HSP90B1: variants seen among roughly 807,000 people sequenced by gnomAD.
The protein encoded by HSP90B1 is endoplasmin.
Under a neutral mutation model 100.4 loss-of-function variants are expected in HSP90B1, and 27 were observed. That is an observed-to-expected ratio of 0.27 (90% CI 0.20 to 0.37). The LOEUF (loss-of-function observed/expected upper bound fraction) is 0.37. Ranked by LOEUF, HSP90B1 falls within the 10% of genes least tolerant of loss-of-function variation. The pLI is 1.00. For synonymous variants in HSP90B1, 304 were observed against 330.8 expected (o/e 0.92, Z 0.88); for missense variants, 678 against 960.5 (o/e 0.71, Z 3.89).
At chr12:103,942,432 C>G in intron 11 of HSP90B1, 95 bp from the exon 12 acceptor site, 4 of 1,105,646 alleles carry the variant, frequency 3.6e-6, no homozygotes, top group Admixed American at 4.7e-5. Flanking sequence ...ATAACGATAT[C>G]GTCTTTGTGT....
At chr12:103,936,041 C>A (rs1869905167) in intron 5 of HSP90B1, among the ~76,000 whole-genome samples, 2 of 152,330 alleles carry the variant, frequency 1.3e-5, no homozygotes, top group Middle Eastern at 3.4e-3. Context: ...TTGCCCACTT[C>A]TTAAATGTTA....
intron 8 of HSP90B1, 70 bp downstream of exon 8, chr12:103,939,695 T>G: frequency 1.4e-6 from 1 of 732,698 alleles, no homozygotes; most frequent in Non-Finnish European, 2.2e-6. Context: ...TTAGTTTAAT[T>G]GTATATGGTA....
chr12:103,943,402 T>G lies in HSP90B1; in HGVS notation c.1890+83T>G. ...TTTTGTGAACAAATTAAGCTGCAGC[T>G]GGTTACTTTGTAACCATTAGAATGG... On this transcript the variant is annotated intron_variant, in intron 13 of 17. Coordinates refer to ENST00000299767, the MANE Select transcript of HSP90B1 (RefSeq NM_003299.3). The surrounding 1 kb of genome is among the most constrained non-coding windows in gnomAD (Gnocchi z 5.3). 1.0e-5 allele frequency: 13 copies of G among 1,293,334 alleles called. No individual in the cohort carries two copies. Among genetic ancestry groups the G allele is most frequent in the African/African-American group, 1.5e-5 (1 of 67,698 alleles). 80.1% of individuals were successfully genotyped at this position (1,293,334 alleles called of 1,614,324 possible).
intron 1 of HSP90B1, among the ~76,000 whole-genome samples, chr12:103,931,296 T>C (rs1386093132): frequency 1.3e-5 from 2 of 152,204 alleles, no homozygotes; most frequent in Non-Finnish European, 2.9e-5. Context: ...TGTTTAGAAG[T>C]GGTGACTGCC....
chr12:103,935,777 G>T (rs888449202), intron 5 of HSP90B1, among the ~76,000 whole-genome samples: 1 of 152,188 alleles, frequency 6.6e-6, no homozygotes, highest in Admixed American at 6.5e-5. Flanking sequence ...CATTCCCAAG[G>T]AAAGATAGAA....
chr12:103,931,681 G>GTAT, intron 2 of HSP90B1, 58 bp downstream of exon 2: 1 of 1,211,578 alleles, frequency 8.3e-7, no homozygotes, highest in Non-Finnish European at 1.2e-6. Context: ...TGTGAGTTAC[G>GTAT]GTCACTTCTT....
chr12:103,936,981 A>G (rs1869939023), intron 5 of HSP90B1, among the ~76,000 whole-genome samples: 1 of 152,198 alleles, frequency 6.6e-6, no homozygotes, highest in African/African-American at 2.4e-5. Context: ...TGGGAACACA[A>G]GTATCAAGAT....
At chr12:103,945,578 G>A (rs985497395) in intron 14 of HSP90B1, among the ~76,000 whole-genome samples, 3 of 152,210 alleles carry the variant, frequency 2.0e-5, no homozygotes, top group Non-Finnish European at 4.4e-5. Flanking sequence ...GCACAATCCA[G>A]AGGCTACATA....
rs752562529 is a variant in HSP90B1, at chr12:103,939,570, C to T, written c.1037C>T (p.Pro346Leu). 1 of 1,587,682 alleles carries T rather than the reference C, an allele frequency of 6.3e-7. No homozygotes were observed. Among genetic ancestry groups the T allele is most frequent in the Non-Finnish European group, 8.6e-7 (1 of 1,168,436 alleles). ...MNDIKPIWQR[P>L]SKEVEEDEYK... ...GATATCAAACCAATATGGCAGAGAC[C>T]ATCAAAAGAAGTAGAAGAAGATGAA... The change falls in exon 8 of 18, where the codon CCA becomes CTA. Residue 346 changes from proline (P) to leucine (L), a missense_variant. Physicochemically the swap from Pro to Leu is moderately conservative, Grantham distance 98 (BLOSUM62 -3). Coordinates refer to ENST00000299767, the MANE Select transcript of HSP90B1 (RefSeq NM_003299.3).
Position 103,942,821 on chromosome 12 carries a change from C to A in HSP90B1, c.1644+25C>A. 2.5e-6 allele frequency: 4 copies of A among 1,609,766 alleles called. No individual in the cohort carries two copies. In the South Asian group the frequency reaches 4.4e-5, roughly 18 times the overall value. On this transcript the variant is annotated intron_variant, in intron 12 of 17. Coordinates refer to ENST00000299767, the MANE Select transcript of HSP90B1 (RefSeq NM_003299.3). The stretch of plus-strand genomic sequence containing the variant: ...GGTGAGATGAACTCATAAGTGTTGT[C>A]AGCCATTCTGGAAGGTAGCTAGGGA...
At chr12:103,942,910 G>C (rs760071873) in intron 12 of HSP90B1, 114 bp downstream of exon 12, 130 of 1,426,094 alleles carry the variant, frequency 9.1e-5, no homozygotes, top group Non-Finnish European at 1.2e-4. Context: ...GTAGTTATAA[G>C]GCCTGGTCAG....
In HSP90B1 at chr12:103,933,957, G is replaced by A. The variant is rs747580924; in HGVS notation, c.413G>A (p.Cys138Tyr). The change falls in exon 5 of 18, where the codon TGT becomes TAT. Residue 138 changes from cysteine (C) to tyrosine (Y), a missense_variant and splice_region_variant. Physicochemically the swap from Cys to Tyr is radical, Grantham distance 194 (BLOSUM62 -2). Coordinates refer to ENST00000299767, the MANE Select transcript of HSP90B1 (RefSeq NM_003299.3). ...GNEELTVKIK[C>Y]DKEKNLLHVT... ...ATCTGGTTCTTGTCTTGCATTTAGT[G>A]TGATAAGGAGAAGAACCTGCTGCAT... 1 of 1,610,204 alleles carries A rather than the reference G, an allele frequency of 6.2e-7. No individual in the cohort carries two copies. Among genetic ancestry groups the A allele is most frequent in the Non-Finnish European group, 8.5e-7 (1 of 1,176,916 alleles).
chr12:103,940,968 A>G (rs570623167), intron 8 of HSP90B1, among the ~76,000 whole-genome samples: 68 of 152,324 alleles, frequency 4.5e-4, no homozygotes, highest in African/African-American at 1.6e-3. Context: ...ATTTACATAC[A>G]TCTTTGTAGC....
At position 103,946,767 on chromosome 12, in the gene HSP90B1, G is replaced by A. The variant is rs570408985; in HGVS notation, c.2107-19G>A. On this transcript the variant is annotated intron_variant, in intron 15 of 17. Transcript: ENST00000299767. ...TTGTATCTTTTAATATTAATCTAGT[G>A]CATCTTCTTGCATTTCAGGAAGATG... The A allele has an allele frequency of 3.1e-6, 5 of 1,613,430 alleles. No homozygotes were observed. Among genetic ancestry groups the A allele is most frequent in the African/African-American group, 2.7e-5 (2 of 74,974 alleles).
At chr12:103,941,330 T>C in intron 8 of HSP90B1, 80 bp from the exon 9 acceptor site, 6 of 1,431,374 alleles carry the variant, frequency 4.2e-6, no homozygotes, top group Non-Finnish European at 5.7e-6. Flanking sequence ...ACTGAATATG[T>C]ACCACATAGT....
chr12:103,942,395 C>T, intron 11 of HSP90B1, 132 bp from the exon 12 acceptor site: 1 of 788,508 alleles, frequency 1.3e-6, no homozygotes, highest in Non-Finnish European at 2.0e-6. Context: ...GAGTGCTTCA[C>T]CATTTCCTGC....
At position 103,941,643 on chromosome 12, in the gene HSP90B1, T is replaced by C. The variant is rs1188408557; in HGVS notation, c.1245T>C (p.Arg415=). 2 of 1,614,066 alleles carry C rather than the reference T, an allele frequency of 1.2e-6. No individual in the cohort carries two copies. The highest frequency in any genetic ancestry group is 2.7e-5 in the African/African-American group (2 of 74,948). Residue 415 remains arginine, a synonymous_variant, in exon 10 of 18, where the codon CGT becomes CGC. Transcript: ENST00000299767. The part of the protein sequence containing the change: ...KSDYIKLYVR[R]VFITDDFHDM... The stretch of plus-strand genomic sequence containing the variant: ...GGTCTCTTTAGCTCTATGTGCGCCG[T>C]GTATTCATCACAGACGACTTCCATG...
intron 6 of HSP90B1, 29 bp downstream of exon 6, chr12:103,937,835 T>C (rs1869960317): frequency 9.2e-7 from 1 of 1,086,228 alleles, no homozygotes; most frequent in Non-Finnish European, 1.4e-6. Context: ...AAAACTTATA[T>C]GTATTACCTT....
At position 103,938,427 on chromosome 12, in the gene HSP90B1, G is replaced by A. The variant is rs540321497; in HGVS notation, c.943G>A (p.Glu315Lys). Residue 315 changes from glutamate (E) to lysine (K), a missense_variant, in exon 7 of 18, where the codon GAA (glutamate) becomes AAA (lysine). By Grantham distance (56) the Glu-to-Lys change is moderately conservative (BLOSUM62 1). Coordinates refer to ENST00000299767, the MANE Select transcript of HSP90B1 (RefSeq NM_003299.3). ...ESDDEAAVEE[E>K]EEEKKPKTKK... Reference sequence around the variant, plus strand: ...TGATGATGAAGCTGCAGTAGAGGAAGAAGAAGAAGAAAAGAAACCAAAGAC... The same window carrying A: ...TGATGATGAAGCTGCAGTAGAGGAAAAAGAAGAAGAAAAGAAACCAAAGAC... 6.2e-7 allele frequency: 1 copy of A among 1,605,282 alleles called. No individual in the cohort carries two copies. The highest frequency in any genetic ancestry group is 1.3e-5 in the African/African-American group (1 of 74,736).
Sources: gnomAD v4.1 joint callset for allele counts (sites outside exome capture counted in the v4.1 genomes callset) on GRCh38, gnomAD v4.1.1 for gene constraint, Gnocchi (gnomAD v3.1) non-coding constraint, MANE v1.5 for transcripts, NCBI Gene and HGNC (gene_info 2026-07-23, HGNC 2026-07-21) for gene names.